The following ZNF385A variants were observed in gnomAD, a reference collection of about 807,000 sequenced individuals.
The protein encoded by ZNF385A is zinc finger protein 385A, also known as hematopoietic zinc finger protein.
Under a neutral mutation model 32.1 loss-of-function variants are expected in ZNF385A, and 14 were observed. The observed-to-expected ratio is 0.44, with a 90% CI of 0.29 to 0.68. The LOEUF (loss-of-function observed/expected upper bound fraction) is 0.68, where lower values mean the gene tolerates loss of function less well. Among genes scored for constraint, ZNF385A ranks in the 30% least tolerant of loss-of-function variants. The probability of loss-of-function intolerance (pLI) is 0.14; values close to 1 mark genes in which losing one functional copy is unlikely to be tolerated. For missense variants in ZNF385A, 406 were observed against 478.4 expected (o/e 0.85, Z 1.41); for synonymous variants, 197 against 202.7 (o/e 0.97, Z 0.24).
At position 54,370,341 on chromosome 12, in the gene ZNF385A, C is replaced by T; in HGVS notation, c.1016G>A (p.Gly339Glu). The T allele has an allele frequency of 2.7e-6, 4 of 1,500,626 alleles. No homozygotes were observed. Among genetic ancestry groups the T allele is most frequent in the Non-Finnish European group, 3.6e-6 (4 of 1,124,006 alleles). 93.0% of individuals were successfully genotyped at this position (1,500,626 alleles called of 1,614,324 possible). ...AAGCAGAGGGTGAGTGATCGGCGGT[C>T]CCTGGAGAAGAGGTGCGGCTGGAGC... The part of the protein sequence containing the change: ...RPAPAAPLLQ[G>E]PPITHPLLHP... Residue 339 changes from glycine (G) to glutamate (E), a missense_variant, in exon 7 of 7, where the codon GGA (glycine) becomes GAA (glutamate). Physicochemically the swap from Gly to Glu is moderately conservative, Grantham distance 98. Coordinates refer to ENST00000394313, the MANE Select transcript of ZNF385A (RefSeq NM_015481.3). The surrounding 1 kb of genome is among the most constrained non-coding windows in gnomAD (Gnocchi z 5.5).
At chr12:54,381,650 C>T (rs988472054) in intron 1 of ZNF385A, among the ~76,000 whole-genome samples, 5 of 152,238 alleles carry the variant, frequency 3.3e-5, no homozygotes, top group Admixed American at 3.3e-4. Flanking sequence ...CACATCCAAT[C>T]TTGCACTTTC....
chr12:54,378,687 G>T (rs1301605966), intron 1 of ZNF385A, among the ~76,000 whole-genome samples: 2 of 152,110 alleles, frequency 1.3e-5, no homozygotes, highest in Non-Finnish European at 2.9e-5. Context: ...AAGAGAGGGA[G>T]CTAGGGGGTA....
chr12:54,371,687 G>A lies in ZNF385A; in HGVS notation c.390C>T (p.Ala130=), dbSNP rs762351687. 31 of 1,610,818 alleles carry A rather than the reference G, an allele frequency of 1.9e-5. No homozygotes were observed. The highest frequency in any genetic ancestry group is 2.7e-5 in the African/African-American group (2 of 74,672). Residue 130 remains alanine (A), a synonymous_variant, in exon 4 of 7, where the codon GCC becomes GCT. Transcript: ENST00000394313. ...PVSMENGLGP[A]PGSPEKQPGS... Reference sequence around the variant, plus strand: ...CAGGCTGTTTCTCTGGGGATCCTGGGGCTGGCCCCAGTCCATTCTCCATGG... The same window carrying A: ...CAGGCTGTTTCTCTGGGGATCCTGGAGCTGGCCCCAGTCCATTCTCCATGG...
At chr12:54,382,041 C>CA (rs1269589599) in intron 1 of ZNF385A, among the ~76,000 whole-genome samples, 6 of 150,710 alleles carry the variant, frequency 4.0e-5, no homozygotes, top group East Asian at 3.9e-4. Flanking sequence ...AGTAGGTGCT[C>CA]AAAAAAAATT....
intron 1 of ZNF385A, among the ~76,000 whole-genome samples, chr12:54,390,445 C>G (rs899884345): frequency 6.6e-6 from 1 of 152,004 alleles, no homozygotes; most frequent in Non-Finnish European, 1.5e-5. Context: ...CTTACCCTCT[C>G]CATTGCCCCT....
At chr12:54,380,443 G>A (rs908805451) in intron 1 of ZNF385A, among the ~76,000 whole-genome samples, 2 of 152,202 alleles carry the variant, frequency 1.3e-5, no homozygotes, top group African/African-American at 4.8e-5. Context: ...AACCTGGGCA[G>A]TCTGACTCCA....
At chr12:54,376,932 A>G (rs759336387) in intron 1 of ZNF385A, among the ~76,000 whole-genome samples, 12 of 152,140 alleles carry the variant, frequency 7.9e-5, no homozygotes, top group African/African-American at 1.2e-4. Context: ...AGATTGGGGG[A>G]TGGCTGGGCT....
chr12:54,381,350 G>A (rs1955168906), intron 1 of ZNF385A: 1 of 152,048 alleles, frequency 6.6e-6, no homozygotes, highest in African/African-American at 2.4e-5. Context: ...CTGCCAATCA[G>A]ATGCAGGATG....
upstream of ZNF385A, among the ~76,000 whole-genome samples, chr12:54,387,530 A>G (rs1955524125): frequency 6.6e-6 from 1 of 152,136 alleles, no homozygotes; most frequent in Non-Finnish European, 1.5e-5. Context: ...CCGCTTTTTG[A>G]GGCTTTACTA....
chr12:54,388,966 A>T (rs1027360615), upstream of ZNF385A, among the ~76,000 whole-genome samples: 3 of 152,128 alleles, frequency 2.0e-5, no homozygotes, highest in Non-Finnish European at 2.9e-5. Flanking sequence ...TACTCAAAAC[A>T]CCATGCCTAA....
intron 1 of ZNF385A, chr12:54,378,954 G>A (rs1025756436): frequency 1.5e-6 from 1 of 665,044 alleles, no homozygotes. Flanking sequence ...GACAGCCCGA[G>A]GACTAGGCAG....
intron 1 of ZNF385A, among the ~76,000 whole-genome samples, chr12:54,382,153 T>C (rs907813118): frequency 2.0e-5 from 3 of 151,730 alleles, no homozygotes; most frequent in Admixed American, 6.6e-5. Flanking sequence ...CTGCAACCTC[T>C]GCCTCCCAGG....
At chr12:54,379,002 C>A (rs1478036679) in intron 1 of ZNF385A, 22 of 952,882 alleles carry the variant, frequency 2.3e-5, no homozygotes, top group Admixed American at 6.4e-5. Flanking sequence ...CGGGCGGGGA[C>A]GGGGTGGGGG....
Position 54,374,014 on chromosome 12 carries a change from C to T in ZNF385A, c.320G>A (p.Gly107Asp), listed in dbSNP as rs745563565. The change falls in exon 3 of 7, where the codon GGC becomes GAC. Residue 107 changes from glycine (G) to aspartate (D), a missense_variant. Physicochemically the swap from Gly to Asp is moderately conservative, Grantham distance 94 (BLOSUM62 -1). Coordinates refer to ENST00000394313, the MANE Select transcript of ZNF385A (RefSeq NM_015481.3). ...ACCATCCCCATTTGTTGGGGTGCTG[C>T]CTGGGGGAGCTGGGTCTCCAGGTTC... is the stretch of plus-strand genomic sequence containing the variant. Reference protein sequence around the residue: ...VREPGDPAPPGSTPTNGDGVA... With the variant: ...VREPGDPAPPDSTPTNGDGVA... 7 of 1,589,550 alleles carry T rather than the reference C, an allele frequency of 4.4e-6. No homozygotes were observed. The highest frequency in any genetic ancestry group is 1.7e-5 in the Admixed American group (1 of 58,014).
Position 54,369,999 on chromosome 12 carries a change from G to A in ZNF385A, c.*257C>T. On this transcript the variant is annotated 3_prime_UTR_variant, in exon 7 of 7. Transcript: ENST00000394313. ...GGGGGGTGTCTCCAAGGGGGCTCGG[G>A]GGTGAGACGGCCCCCCCTTTTCTAG... The A allele has an allele frequency of 2.5e-6, 1 of 396,214 alleles. No homozygotes were observed. The highest frequency in any genetic ancestry group is 3.7e-5 in the East Asian group (1 of 26,898). The allele number at this position is 396,214 out of a possible 1,614,324, so 24.5% of individuals were successfully genotyped here.
chr12:54,375,643 G>A (rs1159766298), intron 2 of ZNF385A, among the ~76,000 whole-genome samples: 4 of 152,154 alleles, frequency 2.6e-5, no homozygotes, highest in African/African-American at 9.7e-5. Flanking sequence ...AAAATACACA[G>A]CAACTTCTTG....
chr12:54,384,967 G>T (rs537112105), upstream of ZNF385A: 1 of 983,558 alleles, frequency 1.0e-6, no homozygotes, highest in Non-Finnish European at 1.2e-6. Context: ...GCTTGGTATC[G>T]CCCCAGGAAG....
In ZNF385A at chr12:54,369,629, C is replaced by T. The variant is rs903902025; in HGVS notation, c.*627G>A. 6.5e-6 allele frequency: 1 copy of T among 152,862 alleles called. No individual in the cohort carries two copies. The highest frequency in any genetic ancestry group is 1.5e-5 in the Non-Finnish European group (1 of 68,242). 9.5% of individuals were successfully genotyped at this position (152,862 alleles called of 1,614,324 possible). ...GAGGGAAAGGTCTATGGTGGCATCT[C>T]CTTGGTCCCACCCAAGTGCCGGAGA... On this transcript the variant is annotated 3_prime_UTR_variant, in exon 7 of 7. Transcript: ENST00000394313.
chr12:54,376,290 CT>C (rs1441769256), intron 1 of ZNF385A, among the ~76,000 whole-genome samples: 1 of 152,146 alleles, frequency 6.6e-6, no homozygotes, highest in Non-Finnish European at 1.5e-5. Flanking sequence ...GTCACCTTGA[CT>C]TATCTCCTAC....
Sources: gnomAD v4.1 joint callset for allele counts (sites outside exome capture counted in the v4.1 genomes callset) on GRCh38, gnomAD v4.1.1 for gene constraint, Gnocchi (gnomAD v3.1) non-coding constraint, MANE v1.5 for transcripts, NCBI Gene and HGNC (gene_info 2026-07-23, HGNC 2026-07-21) for gene names.